The following ZNF385B variants were observed in gnomAD, a reference collection of about 807,000 sequenced individuals.
ZNF385B encodes zinc finger protein 385B.
Under a neutral mutation model 39.2 loss-of-function variants are expected in ZNF385B, and 23 were observed. The ratio of observed to expected loss-of-function variants is 0.59; its 90% CI spans 0.42 to 0.83. The LOEUF is 0.83. ZNF385B is among the 40% of genes least tolerant of loss of function. The pLI is 0.00. For synonymous variants in ZNF385B, 205 were observed against 222.6 expected, an observed-to-expected ratio of 0.92 and a Z score of 0.70; for missense variants, 552 against 598.9, an observed-to-expected ratio of 0.92 and a Z score of 0.82.
At chr2:179,659,794 T>C (rs1188262820) in intron 3 of ZNF385B, among the ~76,000 whole-genome samples, 1 of 152,176 alleles carries the variant, frequency 6.6e-6, no homozygotes, top group African/African-American at 2.4e-5. Flanking sequence ...CTTTAACAAC[T>C]ACTGATTAAA....
intron 3 of ZNF385B, among the ~76,000 whole-genome samples, chr2:179,673,601 C>T (rs1696343047): frequency 6.6e-6 from 1 of 152,136 alleles, no homozygotes; most frequent in Admixed American, 6.5e-5. Context: ...TTCTCTCAGG[C>T]CTACCTGTTG....
intron 3 of ZNF385B, among the ~76,000 whole-genome samples, chr2:179,557,698 T>G (rs1439777271): frequency 2.6e-5 from 4 of 151,080 alleles, no homozygotes; most frequent in Non-Finnish European, 5.9e-5. Flanking sequence ...TATATATGTA[T>G]ATATGTCATA....
chr2:179,706,639 C>T (rs958178124), intron 3 of ZNF385B, among the ~76,000 whole-genome samples: 1 of 152,070 alleles, frequency 6.6e-6, no homozygotes, highest in East Asian at 1.9e-4. Context: ...GCCCTGAAAA[C>T]ACTGAAGGTT....
At chr2:179,633,053 A>T (rs1325980720) in intron 3 of ZNF385B, among the ~76,000 whole-genome samples, 1 of 152,226 alleles carries the variant, frequency 6.6e-6, no homozygotes, top group Non-Finnish European at 1.5e-5. Context: ...AAATTGAGGT[A>T]ATAATTGATA....
intron 3 of ZNF385B, among the ~76,000 whole-genome samples, chr2:179,599,641 C>A (rs1233519871): frequency 6.6e-6 from 1 of 152,018 alleles, no homozygotes; most frequent in Non-Finnish European, 1.5e-5. Context: ...TAAGTAGGTA[C>A]CCAATAAACA....
intron 5 of ZNF385B, among the ~76,000 whole-genome samples, chr2:179,503,611 C>T (rs2056959179): frequency 6.6e-6 from 1 of 152,116 alleles, no homozygotes; most frequent in South Asian, 2.1e-4. Flanking sequence ...ATGAATATCC[C>T]CTTCTATAAC....
rs2056230586 is a variant in ZNF385B, at chr2:179,496,564, T to TA, written c.553-13131dup. 4.6e-5 allele frequency among the ~76,000 whole-genome samples: 7 copies of TA among 152,202 alleles called. No homozygotes were observed. The South Asian group carries it at 1.5e-3, about 32-fold the overall frequency. On this transcript the variant is annotated intron_variant, in intron 5 of 9. Coordinates refer to ENST00000410066, the MANE Select transcript of ZNF385B (RefSeq NM_152520.6). ...ACTTAATAATCAAAGTCCCAAAGGT[T>TA]AAAAATAAAGATTCTAAAAGCAGCA...
At chr2:179,751,050 G>A (rs1043245073) in intron 3 of ZNF385B, among the ~76,000 whole-genome samples, 3 of 152,032 alleles carry the variant, frequency 2.0e-5, no homozygotes, top group African/African-American at 7.2e-5. Flanking sequence ...GTTCATTCCT[G>A]ATATCTCTTA....
At chr2:179,609,167 A>T (rs1431080844) in intron 3 of ZNF385B, among the ~76,000 whole-genome samples, 1 of 151,960 alleles carries the variant, frequency 6.6e-6, no homozygotes, top group Admixed American at 6.6e-5. Context: ...TATTCATTCT[A>T]TCTAACTACA....
intron 1 of ZNF385B, among the ~76,000 whole-genome samples, chr2:179,774,126 G>A (rs555680061): frequency 6.6e-6 from 1 of 151,648 alleles, no homozygotes; most frequent in East Asian, 1.9e-4. Flanking sequence ...TGTGTGGTTT[G>A]TGTATGGTAT....
chr2:179,726,346 G>A (rs538929522), intron 3 of ZNF385B, among the ~76,000 whole-genome samples: 4 of 151,574 alleles, frequency 2.6e-5, no homozygotes, highest in African/African-American at 9.7e-5. Context: ...TTCTATCATC[G>A]GCCCATTCCA....
At chr2:179,715,719 A>T (rs1700290877) in intron 3 of ZNF385B, among the ~76,000 whole-genome samples, 1 of 152,198 alleles carries the variant, frequency 6.6e-6, no homozygotes, top group South Asian at 2.1e-4. Flanking sequence ...TTTACCCATT[A>T]TAAAATAATG....
chr2:179,758,604 G>A (rs1364831395), intron 3 of ZNF385B, among the ~76,000 whole-genome samples: 2 of 152,196 alleles, frequency 1.3e-5, no homozygotes, highest in Non-Finnish European at 2.9e-5. Flanking sequence ...CTTGTGACTA[G>A]CTCTGACCAA....
At chr2:179,726,498 T>C (rs1283518899) in intron 3 of ZNF385B, among the ~76,000 whole-genome samples, 3 of 152,074 alleles carry the variant, frequency 2.0e-5, no homozygotes, top group Admixed American at 6.6e-5. Context: ...ATTAGTACTA[T>C]ACTGAAGCAA....
intron 1 of ZNF385B, chr2:179,860,703 A>G: frequency 2.7e-6 from 1 of 372,192 alleles, no homozygotes; most frequent in Non-Finnish European, 5.7e-6. Context: ...CATTGAGAGA[A>G]AGACAAACCC....
At chr2:179,844,495 A>G (rs1445149342) in intron 1 of ZNF385B, among the ~76,000 whole-genome samples, 1 of 152,174 alleles carries the variant, frequency 6.6e-6, no homozygotes, top group Non-Finnish European at 1.5e-5. Context: ...GGCTTAAAAC[A>G]CTACTACACA....
chr2:179,688,404 C>T (rs1446161861), intron 3 of ZNF385B, among the ~76,000 whole-genome samples: 4 of 151,948 alleles, frequency 2.6e-5, no homozygotes, highest in Admixed American at 1.3e-4. Context: ...GAGGCTGAGG[C>T]GAGAGGATCT....
intron 3 of ZNF385B, among the ~76,000 whole-genome samples, chr2:179,700,249 G>A (rs1699086461): frequency 6.6e-6 from 1 of 152,160 alleles, no homozygotes; most frequent in Admixed American, 6.5e-5. Flanking sequence ...ACTTCAAAAT[G>A]TACCCTTGTA....
rs746589494 is a variant in ZNF385B, at chr2:179,446,785, G to A, written c.716-15C>T. ...CCCTTTATCTTCTAAGAGAAACACA[G>A]AGAGATCTTATTGAAGCCTCATATA... On this transcript the variant is annotated splice_polypyrimidine_tract_variant and intron_variant, in intron 6 of 9. Coordinates refer to ENST00000410066, the MANE Select transcript of ZNF385B (RefSeq NM_152520.6). 4.1e-5 allele frequency: 65 copies of A among 1,596,196 alleles called. No individual in the cohort carries two copies. Among genetic ancestry groups the A allele is most frequent in the Middle Eastern group, 3.4e-4 (2 of 5,934 alleles).
Sources: allele counts gnomAD v4.1 joint callset (sites outside exome capture counted in the v4.1 genomes callset), GRCh38; gene constraint gnomAD v4.1.1; transcripts MANE v1.5; gene names NCBI Gene and HGNC (gene_info 2026-07-23, HGNC 2026-07-21).